BOC: variants seen among roughly 807,000 people sequenced by gnomAD.
The protein encoded by BOC is BOC cell adhesion associated, oncogene regulated, also known as brother of CDO.
Under a neutral mutation model 112.0 loss-of-function variants are expected in BOC, and 76 were observed. The ratio of observed to expected loss-of-function variants is 0.68; its 90% CI spans 0.56 to 0.82. The LOEUF (loss-of-function observed/expected upper bound fraction) is 0.82, where lower values mean the gene tolerates loss of function less well. Ranked by LOEUF, BOC falls within the 40% of genes least tolerant of loss-of-function variation. The pLI, the probability that BOC is intolerant of heterozygous loss-of-function variation, is 0.00. For missense variants in BOC, 1,309 were observed against 1,511.7 expected, an observed-to-expected ratio of 0.87 and a Z score of 2.22; for synonymous variants, 580 against 599.8, an observed-to-expected ratio of 0.97 and a Z score of 0.48.
Position 113,285,424 on chromosome 3 carries a change from G to C in BOC, c.3019G>C (p.Asp1007His). 1 of 1,613,864 alleles carries C rather than the reference G, an allele frequency of 6.2e-7. No homozygotes were observed. The highest frequency in any genetic ancestry group is 8.5e-7 in the Non-Finnish European group (1 of 1,179,894). The part of the protein sequence containing the change: ...EGSFLYTLPD[D>H]STHQLLQPHH... The stretch of plus-strand genomic sequence containing the variant: ...CTCTTTCTTATACACACTGCCCGAC[G>C]ACTCCACTCACCAGCTGCTGCAGCC... The change falls in exon 19 of 20, where the codon GAC (aspartate) becomes CAC (histidine). Residue 1007 changes from aspartate to histidine, a missense_variant. Transcript: ENST00000682979.
chr3:113,250,365 A>T (rs1364611506), intron 3 of BOC, among the ~76,000 whole-genome samples, 190 bp from the exon 4 acceptor site: 3 of 152,206 alleles, frequency 2.0e-5, no homozygotes, highest in African/African-American at 7.2e-5. Flanking sequence ...TTTACAATAC[A>T]TTCTCACTCC....
At chr3:113,279,708 T>C in intron 12 of BOC, 116 bp from the exon 13 acceptor site, 1 of 1,173,576 alleles carries the variant, frequency 8.5e-7, no homozygotes, top group South Asian at 1.5e-5. Context: ...CTTTGAGAAC[T>C]TGCTTTGGGG....
chr3:113,259,350 G>C (rs986014879), intron 4 of BOC, among the ~76,000 whole-genome samples: 1 of 152,234 alleles, frequency 6.6e-6, no homozygotes, highest in Non-Finnish European at 1.5e-5. Context: ...GGGCTGTGTA[G>C]TATGTTGATT....
intron 2 of BOC, among the ~76,000 whole-genome samples, chr3:113,216,904 T>TTA (rs1387907569): frequency 3.3e-5 from 5 of 151,946 alleles, no homozygotes; most frequent in African/African-American, 1.2e-4. Context: ...AAAAGGAAAG[T>TTA]GCATAATATG....
At chr3:113,213,736 C>T (rs1451716276) in intron 1 of BOC, among the ~76,000 whole-genome samples, 1 of 152,166 alleles carries the variant, frequency 6.6e-6, no homozygotes, top group African/African-American at 2.4e-5. Flanking sequence ...GATCTGAAAG[C>T]ACCTTGGGGT....
intron 12 of BOC, 153 bp from the exon 13 acceptor site, chr3:113,279,671 T>C: frequency 1.1e-6 from 1 of 903,082 alleles, no homozygotes; most frequent in Non-Finnish European, 1.7e-6. Flanking sequence ...AGCTCAGCTC[T>C]GACAGTGGCG....
rs145493421 is a variant in BOC, at chr3:113,266,639, G to A, written c.377-1660G>A. On this transcript the variant is annotated intron_variant, in intron 4 of 19. Coordinates refer to ENST00000682979, the MANE Select transcript of BOC (RefSeq NM_001378074.1). ...GGCTCAGCTTCCAAGATATTCATTCGTTCATTCATTAACATTCATTCATTT... is the reference window on the plus strand; with the variant it reads ...GGCTCAGCTTCCAAGATATTCATTCATTCATTCATTAACATTCATTCATTT... Among the ~76,000 whole-genome samples the A allele has an allele frequency of 1.5e-3, 222 of 152,280 alleles. 1 individual carries two copies. The highest frequency in any genetic ancestry group is 5.1e-3 in the African/African-American group (212 of 41,538).
At chr3:113,220,279 G>A (rs137926445) in intron 2 of BOC, among the ~76,000 whole-genome samples, 128 of 152,242 alleles carry the variant, frequency 8.4e-4, no homozygotes, top group African/African-American at 3.0e-3. Context: ...GGCTGCAAAG[G>A]ACATGTAGTT....
intron 7 of BOC, 88 bp downstream of exon 7, chr3:113,272,791 G>T: frequency 6.8e-7 from 1 of 1,480,096 alleles, no homozygotes; most frequent in South Asian, 1.3e-5. Flanking sequence ...CTCACAAAGG[G>T]TTAGCATCTT....
chr3:113,281,338 C>G (rs766674811), intron 15 of BOC, among the ~76,000 whole-genome samples, 185 bp downstream of exon 15: 1 of 152,314 alleles, frequency 6.6e-6, no homozygotes, highest in South Asian at 2.1e-4. Flanking sequence ...CTAAATAGAC[C>G]ATGATGACAC....
intron 3 of BOC, 133 bp from the exon 4 acceptor site, chr3:113,250,422 C>T (rs1945471810): frequency 2.0e-6 from 2 of 985,960 alleles, no homozygotes; most frequent in Non-Finnish European, 3.0e-6. Context: ...TGGACAAGAG[C>T]AGTAGAGTCG....
intron 2 of BOC, among the ~76,000 whole-genome samples, chr3:113,244,209 G>A (rs1241472234): frequency 6.6e-6 from 1 of 152,152 alleles, no homozygotes; most frequent in Non-Finnish European, 1.5e-5. Flanking sequence ...CCCAAATATT[G>A]CTTTAAGCTC....
At chr3:113,252,391 G>A (rs1264598880) in intron 4 of BOC, among the ~76,000 whole-genome samples, 2 of 152,168 alleles carry the variant, frequency 1.3e-5, no homozygotes, top group African/African-American at 2.4e-5. Flanking sequence ...TGTGGATGAC[G>A]TGCTTCCAGG....
At chr3:113,270,674 G>T in intron 5 of BOC, 127 bp from the exon 6 acceptor site, 1 of 1,073,456 alleles carries the variant, frequency 9.3e-7, no homozygotes, top group Non-Finnish European at 1.3e-6. Flanking sequence ...GGGGACTCAG[G>T]TGGACATCAG....
intron 1 of BOC, among the ~76,000 whole-genome samples, chr3:113,214,425 T>C (rs535071665): frequency 6.6e-6 from 1 of 152,322 alleles, no homozygotes; most frequent in Non-Finnish European, 1.5e-5. Context: ...GCCTGATGTG[T>C]CATAGTGTTC....
chr3:113,236,373 A>G (rs376521879), intron 2 of BOC, among the ~76,000 whole-genome samples: 1 of 133,442 alleles, frequency 7.5e-6, no homozygotes, highest in East Asian at 2.1e-4. Flanking sequence ...AGCAACATAG[A>G]TAGAACTGGA....
chr3:113,272,459 C>G lies in BOC; in HGVS notation c.717C>G (p.Thr239=), dbSNP rs16860765. ...TCATCTACCCCCCAGAGGCCCAAAC[C>G]ATCATCGTCACCAAAGGCCAGAGTC... ...ARIIYPPEAQ[T]IIVTKGQSLI... The change falls in exon 7 of 20, where the codon ACC becomes ACG. Residue 239 remains threonine (T), a synonymous_variant. Transcript: ENST00000682979. 1 of 1,614,116 alleles carries G rather than the reference C, an allele frequency of 6.2e-7. No homozygotes were observed. The highest frequency in any genetic ancestry group is 8.5e-7 in the Non-Finnish European group (1 of 1,180,040).
rs116777642 is a variant in BOC, at chr3:113,282,829, C to T, written c.2435-582C>T. Among the ~76,000 whole-genome samples, 1,403 of 152,052 alleles carry T rather than the reference C, an allele frequency of 9.2e-3. 23 individuals are homozygous for T. The highest frequency in any genetic ancestry group is 0.032 in the African/African-American group (1,309 of 41,460). On this transcript the variant is annotated intron_variant, in intron 15 of 19. Transcript: ENST00000682979. Reference sequence around the variant, plus strand: ...CGAAAGCCGGGGGAGAAGATGGCCACGAGGGCCAGCAGGGTCAGATGCACC... The same window carrying T: ...CGAAAGCCGGGGGAGAAGATGGCCATGAGGGCCAGCAGGGTCAGATGCACC...
intron 4 of BOC, among the ~76,000 whole-genome samples, chr3:113,265,851 T>C (rs910110258): frequency 9.2e-5 from 14 of 152,368 alleles, no homozygotes; most frequent in South Asian, 8.3e-4. Context: ...AGAGGCAGGT[T>C]GCACACCCAT....
Sources: gnomAD v4.1 joint callset for allele counts (sites outside exome capture counted in the v4.1 genomes callset) on GRCh38, gnomAD v4.1.1 for gene constraint, MANE v1.5 for transcripts, NCBI Gene and HGNC (gene_info 2026-07-23, HGNC 2026-07-21) for gene names.